HDAC4: variants seen among roughly 807,000 people sequenced by gnomAD.
HDAC4 encodes the protein histone deacetylase 4.
Under a neutral mutation model 135.1 loss-of-function variants are expected in HDAC4, and 16 were observed. The observed-to-expected ratio is 0.12, with a 90% confidence interval of 0.08 to 0.18. HDAC4 has a LOEUF of 0.18. Ranked by LOEUF, HDAC4 falls within the 10% of genes least tolerant of loss-of-function variation. HDAC4 has a pLI of 1.00. For missense variants in HDAC4, 1,143 were observed against 1,511.8 expected (o/e 0.76, Z 4.05); for synonymous variants, 685 against 653.4 (o/e 1.05, Z -0.74).
chr2:239,308,636 T>A lies in HDAC4; in HGVS notation c.22+44042A>T, dbSNP rs1362147184. On this transcript the variant is annotated intron_variant, in intron 2 of 26. Transcript: ENST00000543185. The surrounding 1 kb of genome is among the most constrained non-coding windows in gnomAD (Gnocchi z 4.2). Reference sequence around the variant, plus strand: ...AAAGCACAAAGATCTATGTTCATGGTGTAGTCCAGGCAGAGTGTGGTTAAC... The same window carrying A: ...AAAGCACAAAGATCTATGTTCATGGAGTAGTCCAGGCAGAGTGTGGTTAAC... Among the ~76,000 whole-genome samples, 4 of 152,158 alleles carry A rather than the reference T, an allele frequency of 2.6e-5. No individual in the cohort carries two copies. The highest frequency in any genetic ancestry group is 5.9e-5 in the Non-Finnish European group (4 of 68,006).
At chr2:239,189,697 C>A in intron 4 of HDAC4, 136 bp downstream of exon 4, 1 of 801,118 alleles carries the variant, frequency 1.2e-6, no homozygotes, top group Non-Finnish European at 2.1e-6. Flanking sequence ...GTTACCGTCC[C>A]AACGCAGAAG....
chr2:239,151,149 C>CCTA (rs2042094275), intron 7 of HDAC4, among the ~76,000 whole-genome samples: 1 of 152,264 alleles, frequency 6.6e-6, no homozygotes, highest in African/African-American at 2.4e-5. Context: ...GTACCCTGAG[C>CCTA]CTACTCTACA....
chr2:239,252,292 G>T (rs969815067), intron 2 of HDAC4, among the ~76,000 whole-genome samples: 1 of 152,190 alleles, frequency 6.6e-6, no homozygotes, highest in African/African-American at 2.4e-5. Flanking sequence ...CCATCGAATG[G>T]GTGCCAGGAT....
intron 6 of HDAC4, among the ~76,000 whole-genome samples, chr2:239,160,998 G>C (rs886536618): frequency 3.9e-5 from 6 of 152,186 alleles, no homozygotes; most frequent in African/African-American, 1.2e-4. Flanking sequence ...AGGTATGAAG[G>C]GGCTGCTTGC....
At chr2:239,396,912 C>T (rs758835395) in intron 1 of HDAC4, among the ~76,000 whole-genome samples, 2 of 152,202 alleles carry the variant, frequency 1.3e-5, no homozygotes, top group African/African-American at 2.4e-5. Context: ...AGCTCCCTTC[C>T]GTCACCCCCA....
At chr2:239,392,672 T>C (rs1324108306) in intron 1 of HDAC4, among the ~76,000 whole-genome samples, 1 of 152,162 alleles carries the variant, frequency 6.6e-6, no homozygotes, top group Non-Finnish European at 1.5e-5. Context: ...CTCTAACCCC[T>C]GAGCTTACGG....
chr2:239,194,634 C>T (rs1261488799), intron 3 of HDAC4, among the ~76,000 whole-genome samples: 1 of 152,234 alleles, frequency 6.6e-6, no homozygotes, highest in Non-Finnish European at 1.5e-5. Flanking sequence ...GGGGAAGAAA[C>T]TGCTGCCCAA....
In HDAC4 at chr2:239,222,983, C is replaced by T. The variant is rs1037236950; in HGVS notation, c.94+13610G>A. Among the ~76,000 whole-genome samples, 7 of 152,150 alleles carry T rather than the reference C, an allele frequency of 4.6e-5. No homozygotes were observed. The East Asian group carries it at 5.8e-4, about 13-fold the overall frequency. Reference sequence around the variant, plus strand: ...CCTGCTCACACCAGCACAAGTTACACGTTACTCCTGAAAGCTATCCAAATA... The same window carrying T: ...CCTGCTCACACCAGCACAAGTTACATGTTACTCCTGAAAGCTATCCAAATA... On this transcript the variant is annotated intron_variant, in intron 3 of 26. Transcript: ENST00000543185.
chr2:239,291,328 C>A (rs1291873866), intron 2 of HDAC4, among the ~76,000 whole-genome samples: 3 of 152,222 alleles, frequency 2.0e-5, no homozygotes, highest in Non-Finnish European at 4.4e-5. Context: ...CCTTGCCAGG[C>A]CAGCTGCGAC....
At chr2:239,129,347 T>TC (rs1032895042) in intron 11 of HDAC4, among the ~76,000 whole-genome samples, 32 of 152,194 alleles carry the variant, frequency 2.1e-4, no homozygotes, top group African/African-American at 7.5e-4. Context: ...CATGATGTGG[T>TC]CTTCAGGATA....
intron 22 of HDAC4, among the ~76,000 whole-genome samples, chr2:239,078,731 G>A (rs1341049357): frequency 1.3e-5 from 2 of 152,124 alleles, no homozygotes; most frequent in East Asian, 3.9e-4. Flanking sequence ...CCTGACGGCA[G>A]ACGCCCATTG....
chr2:239,184,124 G>A (rs2044336594), intron 4 of HDAC4, among the ~76,000 whole-genome samples: 1 of 137,198 alleles, frequency 7.3e-6, no homozygotes, highest in Non-Finnish European at 1.6e-5. Context: ...GTGTGTAAAT[G>A]ATTTTTACTC....
At chr2:239,367,033 A>C (rs1415496724) in intron 1 of HDAC4, among the ~76,000 whole-genome samples, 2 of 136,668 alleles carry the variant, frequency 1.5e-5, no homozygotes, top group Non-Finnish European at 2.9e-5. Context: ...GATGGAAAAC[A>C]ACCCTTTGAC....
intron 2 of HDAC4, among the ~76,000 whole-genome samples, chr2:239,242,782 T>A (rs374697314): frequency 2.0e-5 from 3 of 152,366 alleles, no homozygotes; most frequent in African/African-American, 7.2e-5. Context: ...AACAGGTAAC[T>A]ATCAGATTAA....
intron 2 of HDAC4, among the ~76,000 whole-genome samples, chr2:239,295,306 C>CAAAAAAAAAAAAAAAAA (rs55990119): frequency 2.1e-5 from 1 of 46,560 alleles, no homozygotes; most frequent in Non-Finnish European, 3.9e-5. Flanking sequence ...GACTCCGTCT[C>CAAAAAAAAAAAAAAAAA]AAAAAAAAAA....
chr2:239,098,046 C>G (rs1369442242), intron 16 of HDAC4, among the ~76,000 whole-genome samples: 1 of 152,256 alleles, frequency 6.6e-6, no homozygotes, highest in African/African-American at 2.4e-5. Context: ...TCTTTGAAAT[C>G]ATAGCCAACC....
intron 17 of HDAC4, among the ~76,000 whole-genome samples, chr2:239,090,516 G>A (rs546598473): frequency 6.0e-4 from 87 of 145,310 alleles, no homozygotes; most frequent in Non-Finnish European, 1.0e-3. Flanking sequence ...TCTGAAATCC[G>A]AAATACTACA....
intron 2 of HDAC4, among the ~76,000 whole-genome samples, chr2:239,249,360 G>C (rs1023957414): frequency 1.3e-5 from 2 of 152,214 alleles, no homozygotes; most frequent in Admixed American, 1.3e-4. Flanking sequence ...AGAGCTGGGA[G>C]AGATGGGGAA....
At chr2:239,399,668 T>A (rs1696809019) in intron 1 of HDAC4, among the ~76,000 whole-genome samples, 1 of 152,064 alleles carries the variant, frequency 6.6e-6, no homozygotes, top group African/African-American at 2.4e-5. Context: ...CTTCGGTGAT[T>A]TGTGGGAATA....
Sources: allele counts gnomAD v4.1 joint callset (sites outside exome capture counted in the v4.1 genomes callset), GRCh38; gene constraint gnomAD v4.1.1; non-coding constraint Gnocchi (gnomAD v3.1); transcripts MANE v1.5; gene names NCBI Gene and HGNC (gene_info 2026-07-23, HGNC 2026-07-21).